Variants in TTC29 observed in about 807,000 individuals in gnomAD.
TTC29 encodes the protein tetratricopeptide repeat protein 29.
A neutral mutation model predicts 58.1 loss-of-function variants in TTC29; 49 were observed. The observed-to-expected ratio is 0.84, with a 90% CI of 0.67 to 1.07. The LOEUF is 1.07. Among genes scored for constraint, TTC29 ranks in the 50% least tolerant of loss-of-function variants. TTC29 has a pLI of 0.00. For missense variants in TTC29, 582 were observed against 555.6 expected (o/e 1.05, Z -0.48); for synonymous variants, 209 against 196.8 (o/e 1.06, Z -0.52).
chr4:146,787,181 G>T (rs1749086456), intron 11 of TTC29, among the ~76,000 whole-genome samples: 1 of 152,132 alleles, frequency 6.6e-6, no homozygotes, highest in African/African-American at 2.4e-5. Flanking sequence ...ATGAAAAATT[G>T]TTCAAAATAA....
intron 11 of TTC29, among the ~76,000 whole-genome samples, chr4:146,800,404 A>C (rs1056176398): frequency 6.6e-6 from 1 of 152,184 alleles, no homozygotes; most frequent in Non-Finnish European, 1.5e-5. Flanking sequence ...CAGCTTTTAA[A>C]ATGTATCTTT....
At chr4:146,833,919 A>G (rs754284543) in intron 8 of TTC29, 22 bp from the exon 9 acceptor site, 3 of 1,519,238 alleles carry the variant, frequency 2.0e-6, no homozygotes, top group Admixed American at 1.7e-5. Context: ...AGAAATACAT[A>G]TTGAACATAT....
intron 8 of TTC29, among the ~76,000 whole-genome samples, chr4:146,834,760 T>C (rs17609899): frequency 0.063 from 9,578 of 152,226 alleles, 406 homozygotes; most frequent in Admixed American, 0.13. Context: ...AAAAACACCT[T>C]GTCTGCTACT....
At position 146,803,667 on chromosome 4, in the gene TTC29, A is replaced by T. The variant is rs1750398832; in HGVS notation, c.1120T>A (p.Ser374Thr). 1.3e-6 allele frequency: 2 copies of T among 1,591,734 alleles called. No homozygotes were observed. Among genetic ancestry groups the T allele is most frequent in the Non-Finnish European group, 1.7e-6 (2 of 1,165,074 alleles). ...TCAAAAGCTTGCTGAAAGCATTCAG[A>T]AGCTTTGTTGTAGTATCCCTAAAAA... is the stretch of plus-strand genomic sequence containing the variant. ...YNEKGYYNKA[S>T]ECFQQAFDTT... is the part of the protein sequence containing the mutation. The change falls in exon 11 of 13, where the codon TCT becomes ACT. Residue 374 changes from serine to threonine, a missense_variant. Transcript: ENST00000325106.
chr4:146,841,877 T>G (rs1275527523), intron 8 of TTC29, among the ~76,000 whole-genome samples: 1 of 152,062 alleles, frequency 6.6e-6, no homozygotes, highest in South Asian at 2.1e-4. Context: ...AAGCCTACCT[T>G]GAAGGGGTGT....
At chr4:146,849,621 CTT>C (rs1729389005) in intron 8 of TTC29, among the ~76,000 whole-genome samples, 1 of 152,086 alleles carries the variant, frequency 6.6e-6, no homozygotes, top group Admixed American at 6.6e-5. Flanking sequence ...CCAATATTAA[CTT>C]AGCATTTTTA....
intron 8 of TTC29, among the ~76,000 whole-genome samples, chr4:146,849,770 C>T (rs118053693): frequency 6.6e-6 from 1 of 152,264 alleles, no homozygotes; most frequent in East Asian, 1.9e-4. Context: ...TCCAGCCTTA[C>T]TGGCTCCAGG....
chr4:146,869,372 T>C (rs1410390051), intron 7 of TTC29, among the ~76,000 whole-genome samples: 1 of 152,164 alleles, frequency 6.6e-6, no homozygotes, highest in African/African-American at 2.4e-5. Flanking sequence ...TCTCTAGCTA[T>C]TTCCCTGATT....
intron 8 of TTC29, among the ~76,000 whole-genome samples, chr4:146,855,624 T>A (rs1463534663): frequency 6.6e-6 from 1 of 152,202 alleles, no homozygotes; most frequent in Admixed American, 6.5e-5. Flanking sequence ...TAATGCTATT[T>A]TTAAATCCTA....
At chr4:146,709,711 T>A (rs549815665) in intron 11 of TTC29, among the ~76,000 whole-genome samples, 1 of 152,258 alleles carries the variant, frequency 6.6e-6, no homozygotes, top group South Asian at 2.1e-4. Context: ...TCCACTCCCC[T>A]AGATGACTAA....
chr4:146,854,410 A>G (rs1729707575), intron 8 of TTC29, among the ~76,000 whole-genome samples: 1 of 152,162 alleles, frequency 6.6e-6, no homozygotes, highest in Non-Finnish European at 1.5e-5. Flanking sequence ...AATCAAAAAT[A>G]TTTTGTGGCC....
At chr4:146,713,153 G>T (rs1197755024) in intron 11 of TTC29, among the ~76,000 whole-genome samples, 1 of 131,070 alleles carries the variant, frequency 7.6e-6, no homozygotes, top group African/African-American at 2.9e-5. Context: ...AGAGGTGGGG[G>T]AGGGGAAACA....
chr4:146,930,120 C>CACATATATATATATATAT (rs1560730099), intron 4 of TTC29, among the ~76,000 whole-genome samples: 2 of 44,488 alleles, frequency 4.5e-5, no homozygotes, highest in African/African-American at 9.7e-5. Flanking sequence ...TATATATATA[C>CACATATATATATATATAT]ACACATATAT....
chr4:146,820,751 G>A (rs1013075032), intron 9 of TTC29, among the ~76,000 whole-genome samples: 1 of 152,188 alleles, frequency 6.6e-6, no homozygotes, highest in East Asian at 1.9e-4. Context: ...GAATGAGGTA[G>A]GCTGGGCACG....
At chr4:146,831,717 C>T (rs1294744336) in intron 9 of TTC29, 5 of 450,124 alleles carry the variant, frequency 1.1e-5, no homozygotes, top group Non-Finnish European at 2.2e-5. Flanking sequence ...GAATTCAAAT[C>T]CTGGGAAGGA....
chr4:146,759,514 A>G (rs926906929), intron 11 of TTC29, among the ~76,000 whole-genome samples: 3 of 152,146 alleles, frequency 2.0e-5, no homozygotes, highest in Non-Finnish European at 4.4e-5. Flanking sequence ...ATCCTTGACG[A>G]ATATAGATAC....
intron 10 of TTC29, among the ~76,000 whole-genome samples, chr4:146,811,098 C>T (rs571673000): frequency 6.6e-6 from 1 of 152,222 alleles, no homozygotes; most frequent in Admixed American, 6.5e-5. Flanking sequence ...TTCAAGAAGT[C>T]CTTTGCAACA....
intron 11 of TTC29, among the ~76,000 whole-genome samples, chr4:146,782,846 T>C (rs1345660494): frequency 1.3e-5 from 2 of 152,002 alleles, no homozygotes; most frequent in Non-Finnish European, 2.9e-5. Context: ...TATTATTTTA[T>C]TTAAGTTAAC....
Position 146,748,703 on chromosome 4 carries a change from C to A in TTC29, c.1331-41152G>T, listed in dbSNP as rs561840468. ...CCCACATGGAACAAGAGTCATCACA[C>A]CCTGCCCAACTGGCATTGTCTCAGG... On this transcript the variant is annotated intron_variant, in intron 11 of 12. Coordinates refer to ENST00000325106, the MANE Select transcript of TTC29 (RefSeq NM_031956.4). Among the ~76,000 whole-genome samples the A allele has an allele frequency of 4.6e-5, 7 of 152,020 alleles. 1 individual carries two copies. The South Asian group carries it at 1.5e-3, about 32-fold the overall frequency.
Sources: allele counts gnomAD v4.1 joint callset (sites outside exome capture counted in the v4.1 genomes callset), GRCh38; gene constraint gnomAD v4.1.1; transcripts MANE v1.5; gene names NCBI Gene and HGNC (gene_info 2026-07-23, HGNC 2026-07-21).